Variants in ZNF292 observed in about 807,000 individuals in gnomAD.
The protein encoded by ZNF292 is zinc finger protein 292, also known as 16 zinc-finger domain protein.
ZNF292 carries 26 observed loss-of-function variants against 217.9 expected under a neutral mutation model. The ratio of observed to expected loss-of-function variants is 0.12; its 90% CI spans 0.09 to 0.17. The LOEUF is 0.17. Ranked by LOEUF, ZNF292 falls within the 10% of genes least tolerant of loss-of-function variation. The probability of loss-of-function intolerance (pLI) is 1.00; values close to 1 mark genes in which losing one functional copy is unlikely to be tolerated. For synonymous variants in ZNF292, 1,257 were observed against 1,124.1 expected (o/e 1.12, Z -2.37); for missense variants, 2,904 against 3,175.2 (o/e 0.91, Z 2.05).
rs370398707 is a variant in ZNF292 at position 87,164,032 on chromosome 6, C to G, written c.168+8273C>G. 3.3e-5 allele frequency among the ~76,000 whole-genome samples: 5 copies of G among 152,280 alleles called. No homozygotes were observed. The East Asian group carries it at 5.8e-4, about 18-fold the overall frequency. ...TCAGAATGTTACAACCCTTGTTTCG[C>G]CCACCTCGCCCCGCCAAGTATCGTG... is the stretch of plus-strand genomic sequence containing the variant. On this transcript the variant is annotated intron_variant, in intron 1 of 7. Coordinates refer to ENST00000369577, the MANE Select transcript of ZNF292 (RefSeq NM_015021.3).
At position 87,177,394 on chromosome 6, in the gene ZNF292, G is replaced by A. The variant is rs190663432; in HGVS notation, c.168+21635G>A. Among the ~76,000 whole-genome samples the A allele has an allele frequency of 4.3e-3, 654 of 151,644 alleles. 3 individuals carry two copies. Among genetic ancestry groups the A allele is most frequent in the Non-Finnish European group, 7.1e-3 (484 of 67,924 alleles). Reference sequence around the variant, plus strand: ...CTCCTCCTCTTATTTCCACAGGCCAGTTACCAAGTTTTGTCAATTTTATTC... The same window carrying A: ...CTCCTCCTCTTATTTCCACAGGCCAATTACCAAGTTTTGTCAATTTTATTC... On this transcript the variant is annotated intron_variant, in intron 1 of 7. Coordinates refer to ENST00000369577, the MANE Select transcript of ZNF292 (RefSeq NM_015021.3).
chr6:87,157,683 T>TTTTA (rs1188867898), intron 1 of ZNF292, among the ~76,000 whole-genome samples: 3 of 152,052 alleles, frequency 2.0e-5, no homozygotes, highest in Admixed American at 2.0e-4. Flanking sequence ...ACTTAAAGAT[T>TTTTA]TTTATTTATT....
intron 1 of ZNF292, among the ~76,000 whole-genome samples, chr6:87,196,239 A>G (rs1183617497): frequency 1.3e-5 from 2 of 152,140 alleles, no homozygotes; most frequent in African/African-American, 4.8e-5. Flanking sequence ...TGCATTTCCA[A>G]AGTCATGAAG....
chr6:87,259,570 A>T lies in ZNF292; in HGVS notation c.5941A>T (p.Lys1981Ter). 1 of 1,578,950 alleles carries T rather than the reference A, an allele frequency of 6.3e-7. No individual in the cohort carries two copies. The highest frequency in any genetic ancestry group is 8.6e-7 in the Non-Finnish European group (1 of 1,161,250). ...TCATTTTACAACTGAAGAAATGGTA[A>T]AGTTAAAAATTAAAAGGCCTTATGG... ...VHHFTTEEMVKLKIKRPYGRK... is the reference protein window; with the variant it reads ...VHHFTTEEMV The change falls in exon 8 of 8, where the codon AAG becomes TAG. Residue 1981 changes from lysine (K) to a stop codon, truncating the protein, a stop_gained. Transcript: ENST00000369577. LOFTEE classifies it high-confidence loss of function.
chr6:87,218,706 C>T lies in ZNF292; in HGVS notation c.513C>T (p.Ser171=). 1.3e-6 allele frequency: 2 copies of T among 1,590,578 alleles called. No individual in the cohort carries two copies. Among genetic ancestry groups the T allele is most frequent in the Non-Finnish European group, 1.7e-6 (2 of 1,170,846 alleles). ...WKNPVLCTIL[S]QEPLDKDKVN... ...ACCCGGTACTGTGCACTATTCTTTC[C>T]CAGGAACCATTGGATAAGGATAAAG... Residue 171 remains serine, a synonymous_variant, in exon 4 of 8, where the codon TCC becomes TCT. Coordinates refer to ENST00000369577, the MANE Select transcript of ZNF292 (RefSeq NM_015021.3).
At chr6:87,185,905 T>G (rs1289023416) in intron 1 of ZNF292, among the ~76,000 whole-genome samples, 1 of 152,200 alleles carries the variant, frequency 6.6e-6, no homozygotes, top group East Asian at 1.9e-4. Flanking sequence ...TTCCACGCCC[T>G]GCCTGGGTAC....
chr6:87,234,109 A>G (rs906038791), intron 5 of ZNF292, among the ~76,000 whole-genome samples: 4 of 152,240 alleles, frequency 2.6e-5, no homozygotes, highest in African/African-American at 4.8e-5. Flanking sequence ...TATGACTACA[A>G]AATTCTGAGA....
At chr6:87,166,323 T>C (rs1770913243) in intron 1 of ZNF292, among the ~76,000 whole-genome samples, 1 of 152,214 alleles carries the variant, frequency 6.6e-6, no homozygotes, top group African/African-American at 2.4e-5. Context: ...AGTGTTACAA[T>C]AGTGGAAAGC....
intron 1 of ZNF292, among the ~76,000 whole-genome samples, chr6:87,191,488 T>C (rs887519105): frequency 6.6e-6 from 1 of 152,164 alleles, no homozygotes; most frequent in African/African-American, 2.4e-5. Context: ...TTTACATGTA[T>C]GTGGCAATAG....
chr6:87,254,500 C>G lies in ZNF292; in HGVS notation c.1021-150C>G, dbSNP rs150869186. ...TCATTTTACATACACACATACCAGA[C>G]TAAGCTGCAGTGCTTTAGAAGGGGA... On this transcript the variant is annotated intron_variant, in intron 7 of 7. Coordinates refer to ENST00000369577, the MANE Select transcript of ZNF292 (RefSeq NM_015021.3). The G allele has an allele frequency of 2.1e-4, 146 of 708,402 alleles. No individual in the cohort carries two copies. The African/African-American group carries it at 2.3e-3, about 11-fold the overall frequency. 43.9% of individuals were successfully genotyped at this position (708,402 alleles called of 1,614,324 possible).
intron 1 of ZNF292, among the ~76,000 whole-genome samples, chr6:87,212,238 G>C (rs1411551675): frequency 1.3e-5 from 2 of 152,212 alleles, no homozygotes; most frequent in Non-Finnish European, 2.9e-5. Flanking sequence ...TCTCTGTGGA[G>C]TTGGGATGTG....
At chr6:87,247,293 G>A (rs77009994) in intron 7 of ZNF292, among the ~76,000 whole-genome samples, 5 of 149,054 alleles carry the variant, frequency 3.4e-5, no homozygotes, top group Non-Finnish European at 7.4e-5. Context: ...GCGCACGCAC[G>A]TGCATGCATG....
chr6:87,205,171 C>T (rs1333418582), intron 1 of ZNF292, among the ~76,000 whole-genome samples: 5 of 152,150 alleles, frequency 3.3e-5, no homozygotes, highest in African/African-American at 1.2e-4. Context: ...CTCCTGGGCT[C>T]GAGCGATCCT....
chr6:87,220,285 G>C (rs1773019242), intron 4 of ZNF292, among the ~76,000 whole-genome samples: 1 of 151,950 alleles, frequency 6.6e-6, no homozygotes, highest in East Asian at 1.9e-4. Flanking sequence ...TGATATATTA[G>C]TAATAATATC....
intron 7 of ZNF292, among the ~76,000 whole-genome samples, chr6:87,251,294 A>C (rs2127850108): frequency 6.6e-6 from 1 of 152,366 alleles, no homozygotes; most frequent in South Asian, 2.1e-4. Context: ...AAAGAGTTTT[A>C]AAACAGGGTA....
intron 1 of ZNF292, among the ~76,000 whole-genome samples, chr6:87,176,971 G>A (rs1771319399): frequency 6.6e-6 from 1 of 152,056 alleles, no homozygotes; most frequent in African/African-American, 2.4e-5. Context: ...AAGAAAGCCT[G>A]TTGCTATTCT....
chr6:87,212,246 G>A (rs1157211100), intron 1 of ZNF292, among the ~76,000 whole-genome samples: 2 of 152,332 alleles, frequency 1.3e-5, no homozygotes, highest in Admixed American at 6.5e-5. Flanking sequence ...GAGTTGGGAT[G>A]TGCCACCTTC....
At chr6:87,181,207 C>T (rs1364911642) in intron 1 of ZNF292, among the ~76,000 whole-genome samples, 2 of 152,066 alleles carry the variant, frequency 1.3e-5, no homozygotes, top group Non-Finnish European at 2.9e-5. Context: ...CCTAGCGTCC[C>T]GGATCACACG....
chr6:87,245,781 AGTCCTTT>A, intron 7 of ZNF292, 137 bp downstream of exon 7: 2 of 576,466 alleles, frequency 3.5e-6, no homozygotes, highest in Admixed American at 7.5e-5. Context: ...TTTTCTTGTT[AGTCCTTT>A]AAGATATTTG....
Sources: gnomAD v4.1 joint callset for allele counts (sites outside exome capture counted in the v4.1 genomes callset) on GRCh38, gnomAD v4.1.1 for gene constraint, MANE v1.5 for transcripts, NCBI Gene and HGNC (gene_info 2026-07-23, HGNC 2026-07-21) for gene names.